FOCAD: variants seen among roughly 807,000 people sequenced by gnomAD.
FOCAD encodes focadhesin, also known as KIAA1797.
FOCAD carries 198 observed loss-of-function variants against 225.6 expected under a neutral mutation model. The ratio of observed to expected loss-of-function variants is 0.88; its 90% confidence interval spans 0.78 to 0.99. The LOEUF is 0.99. FOCAD is among the 50% of genes least tolerant of loss of function. The probability of loss-of-function intolerance (pLI) is 0.00; values close to 1 mark genes in which losing one functional copy is unlikely to be tolerated. For missense variants in FOCAD, 2,713 were observed against 2,123.6 expected (o/e 1.28, Z -5.46); for synonymous variants, 897 against 755.0 (o/e 1.19, Z -3.08).
At chr9:20,895,479 A>G (rs1831998420) in intron 21 of FOCAD, among the ~76,000 whole-genome samples, 1 of 151,788 alleles carries the variant, frequency 6.6e-6, no homozygotes, top group Non-Finnish European at 1.5e-5. Context: ...TATTTCATTC[A>G]TTATTGATTT....
In FOCAD at chr9:20,918,413, TA is replaced by T. The variant is rs534968822; in HGVS notation, c.2852+1477del. Among the ~76,000 whole-genome samples the T allele has an allele frequency of 2.6e-4, 40 of 152,330 alleles. No homozygotes were observed. The South Asian group carries it at 8.1e-3, about 31-fold the overall frequency. ...GTAAAACTAATTCATGTTCTCATGG[TA>T]TTACCTTCTCATCAAAACTTACAAA... On this transcript the variant is annotated intron_variant, in intron 24 of 43. Transcript: ENST00000338382.
At chr9:20,796,767 C>T (rs1821160542) in intron 11 of FOCAD, among the ~76,000 whole-genome samples, 1 of 151,964 alleles carries the variant, frequency 6.6e-6, no homozygotes, top group African/African-American at 2.4e-5. Flanking sequence ...CTGTAGGTTG[C>T]CTGTTCACTC....
intron 35 of FOCAD, among the ~76,000 whole-genome samples, chr9:20,961,669 A>G (rs555814491): frequency 6.6e-6 from 1 of 152,126 alleles, no homozygotes; most frequent in East Asian, 1.9e-4. Flanking sequence ...TTGTATTTGT[A>G]ACTCCCTTCT....
chr9:20,915,784 C>G (rs999023860), intron 23 of FOCAD, among the ~76,000 whole-genome samples: 10 of 152,038 alleles, frequency 6.6e-5, no homozygotes, highest in Admixed American at 6.6e-4. Flanking sequence ...ATTTGTGATG[C>G]AGCAGAGAGG....
intron 2 of FOCAD, among the ~76,000 whole-genome samples, chr9:20,716,637 G>A (rs1825359494): frequency 6.6e-6 from 1 of 152,048 alleles, no homozygotes; most frequent in South Asian, 2.1e-4. Flanking sequence ...TTGTGATTGT[G>A]TCCTGTCCTT....
chr9:20,695,918 T>G (rs1823334245), intron 1 of FOCAD, among the ~76,000 whole-genome samples: 1 of 152,212 alleles, frequency 6.6e-6, no homozygotes, highest in Non-Finnish European at 1.5e-5. Context: ...CAAATAAAAT[T>G]GAGAAGCAAA....
At chr9:20,656,424 A>G (rs1347524505), upstream of FOCAD, among the ~76,000 whole-genome samples, 1 of 152,076 alleles carries the variant, frequency 6.6e-6, no homozygotes, top group African/African-American at 2.4e-5. Context: ...GTCTCTTTGT[A>G]GGTCACTCAG....
intron 35 of FOCAD, among the ~76,000 whole-genome samples, chr9:20,968,753 A>G (rs1244773687): frequency 2.0e-5 from 3 of 151,792 alleles, no homozygotes; most frequent in Admixed American, 6.6e-5. Flanking sequence ...TTCTTATTTT[A>G]TACTTAATTA....
intron 5 of FOCAD, 119 bp from the exon 6 acceptor site, chr9:20,757,971 T>G: frequency 2.0e-6 from 1 of 502,572 alleles, no homozygotes; most frequent in South Asian, 3.8e-5. Flanking sequence ...TTGTGACAAT[T>G]ATGAATCGTG....
At chr9:20,950,459 AT>A (rs2132371198) in intron 33 of FOCAD, among the ~76,000 whole-genome samples, 1 of 152,294 alleles carries the variant, frequency 6.6e-6, no homozygotes, top group Admixed American at 6.5e-5. Context: ...TCTTTTTTGC[AT>A]GTATGAATAG....
intron 2 of FOCAD, among the ~76,000 whole-genome samples, chr9:20,678,801 T>C (rs1822312900): frequency 6.6e-6 from 1 of 152,202 alleles, no homozygotes; most frequent in Non-Finnish European, 1.5e-5. Context: ...AGCTTAGGCG[T>C]GATTTGGGGG....
Position 20,898,437 on chromosome 9 carries a change from C to T in FOCAD, c.2626-8713C>T, listed in dbSNP as rs146356163. 5.5e-3 allele frequency among the ~76,000 whole-genome samples: 831 copies of T among 151,648 alleles called. 9 individuals carry two copies. The highest frequency in any genetic ancestry group is 0.019 in the African/African-American group (795 of 41,424). ...TCTTTGCTTTATTCTTTTTCCTCTT[C>T]GCTTTTTAGTTTTAGAGGTTTCCAT... On this transcript the variant is annotated intron_variant, in intron 21 of 43. Transcript: ENST00000338382.
At chr9:20,904,140 T>C (rs1832765932) in intron 21 of FOCAD, among the ~76,000 whole-genome samples, 1 of 152,048 alleles carries the variant, frequency 6.6e-6, no homozygotes, top group African/African-American at 2.4e-5. Context: ...TTACATATTT[T>C]ATTCTTCTAG....
intron 11 of FOCAD, among the ~76,000 whole-genome samples, chr9:20,798,300 A>G (rs912434475): frequency 6.6e-6 from 1 of 152,150 alleles, no homozygotes; most frequent in Non-Finnish European, 1.5e-5. Context: ...ATATTGGTCT[A>G]AAATTCTCTT....
intron 29 of FOCAD, among the ~76,000 whole-genome samples, chr9:20,946,331 C>A (rs1298440270): frequency 2.6e-5 from 4 of 152,122 alleles, no homozygotes; most frequent in African/African-American, 7.2e-5. Context: ...ATTAGTAGCA[C>A]CCACTGGTGA....
At chr9:20,987,273 C>A (rs889524095) in intron 40 of FOCAD, among the ~76,000 whole-genome samples, 3 of 152,094 alleles carry the variant, frequency 2.0e-5, no homozygotes, top group Non-Finnish European at 4.4e-5. Context: ...CTTCAGGAGG[C>A]AAGGCAGGTG....
At chr9:20,866,047 A>T in intron 17 of FOCAD, 71 bp downstream of exon 17, 1 of 1,289,850 alleles carries the variant, frequency 7.8e-7, no homozygotes, top group Non-Finnish European at 1.1e-6. Flanking sequence ...GTAAAATAAG[A>T]CTCTTAGGAT....
chr9:20,939,318 A>G (rs534267609), intron 28 of FOCAD, among the ~76,000 whole-genome samples: 12 of 152,308 alleles, frequency 7.9e-5, no homozygotes, highest in Non-Finnish European at 2.9e-5. Flanking sequence ...CCATGCATTT[A>G]TATTGCCTTT....
chr9:20,972,125 G>C (rs1408649168), intron 35 of FOCAD, among the ~76,000 whole-genome samples: 2 of 152,046 alleles, frequency 1.3e-5, no homozygotes, highest in Non-Finnish European at 2.9e-5. Context: ...AAGTGAGGTT[G>C]CTGGATTATA....
Sources: allele counts gnomAD v4.1 joint callset (sites outside exome capture counted in the v4.1 genomes callset), GRCh38; gene constraint gnomAD v4.1.1; transcripts MANE v1.5; gene names NCBI Gene and HGNC (gene_info 2026-07-23, HGNC 2026-07-21).